ALDH3B1: variants seen among roughly 807,000 people sequenced by gnomAD.
ALDH3B1 encodes aldehyde dehydrogenase 3 family member B1.
ALDH3B1 carries 37 observed loss-of-function variants against 46.2 expected under a neutral mutation model. The observed-to-expected ratio is 0.80, with a 90% CI of 0.62 to 1.05. ALDH3B1 has a LOEUF of 1.05. ALDH3B1 is among the 50% of genes least tolerant of loss of function. ALDH3B1 has a pLI of 0.00. For missense variants in ALDH3B1, 603 were observed against 665.5 expected (o/e 0.91, Z 1.03); for synonymous variants, 283 against 281.0 (o/e 1.01, Z -0.07).
Position 68,028,190 on chromosome 11 carries a change from C to T in ALDH3B1, c.*251C>T. ...ACAGTGCAGTGACTCACCCCCTGCC[C>T]CCGCACCAACCACCCATATTCAGGA... On this transcript the variant is annotated 3_prime_UTR_variant, in exon 10 of 10. Coordinates refer to ENST00000342456, the MANE Select transcript of ALDH3B1 (RefSeq NM_000694.4). 2 of 678,522 alleles carry T rather than the reference C, an allele frequency of 2.9e-6. No homozygotes were observed. The highest frequency in any genetic ancestry group is 5.4e-6 in the Non-Finnish European group (2 of 370,292). The allele number at this position is 678,522 out of a possible 1,614,324, so 42.0% of individuals were successfully genotyped here.
chr11:68,023,559 C>G (rs1456166559), intron 8 of ALDH3B1, among the ~76,000 whole-genome samples: 4 of 151,544 alleles, frequency 2.6e-5, no homozygotes, highest in Non-Finnish European at 4.4e-5. Flanking sequence ...CCTGCCTCGG[C>G]CTCCCAAAGT....
At position 68,018,886 on chromosome 11, in the gene ALDH3B1, C is replaced by A. The variant is rs146689178; in HGVS notation, c.387C>A (p.Leu129=). Residue 129 remains leucine (L), a synonymous_variant, in exon 4 of 10, where the codon CTC becomes CTA. Transcript: ENST00000342456. ...CGCTGGTGCCCCTCGTGGGAGCCCT[C>A]GCTGCAGGTGAGAGCTGGGCCTGCC... ...NLTLVPLVGA[L]AAGNCVVLKP... The A allele has an allele frequency of 6.4e-7, 1 of 1,555,336 alleles. No individual in the cohort carries two copies. Among genetic ancestry groups the A allele is most frequent in the African/African-American group, 1.4e-5 (1 of 73,328 alleles).
chr11:68,017,342 C>G (rs925132699), intron 2 of ALDH3B1: 2 of 152,386 alleles, frequency 1.3e-5, no homozygotes, highest in Non-Finnish European at 2.9e-5. Context: ...TGGGGCTCAG[C>G]TGTAGCCCTG....
At chr11:68,018,150 GCA>G (rs35256233) in intron 2 of ALDH3B1, 14 of 209,974 alleles carry the variant, frequency 6.7e-5, no homozygotes, top group South Asian at 2.4e-4. Context: ...TGTAAAAACA[GCA>G]CACACACACA....
At chr11:68,026,147 T>G (rs941049247) in intron 9 of ALDH3B1, 39 bp downstream of exon 9, 44 of 1,520,286 alleles carry the variant, frequency 2.9e-5, no homozygotes, top group Non-Finnish European at 3.9e-5. Flanking sequence ...TACCATTTGG[T>G]CAAATTGCAA....
At chr11:68,013,901 A>G (rs552118076) in intron 1 of ALDH3B1, among the ~76,000 whole-genome samples, 143 of 152,340 alleles carry the variant, frequency 9.4e-4, no homozygotes, top group African/African-American at 3.3e-3. Context: ...TGGTGGGTTC[A>G]GCCTGGCCCC....
chr11:68,021,382 C>T (rs1386961858), intron 6 of ALDH3B1, 103 bp from the exon 7 acceptor site: 10 of 1,502,800 alleles, frequency 6.7e-6, no homozygotes, highest in Middle Eastern at 2.4e-4. Context: ...GGCTGCTGCC[C>T]GCTGACTCCA....
intron 7 of ALDH3B1, 83 bp downstream of exon 7, chr11:68,021,954 G>A: frequency 6.6e-7 from 1 of 1,515,206 alleles, no homozygotes; most frequent in East Asian, 2.3e-5. Flanking sequence ...CACAACTCTG[G>A]ACCCGCGCCT....
chr11:68,012,914 T>C (rs749423084), intron 1 of ALDH3B1, among the ~76,000 whole-genome samples: 1 of 152,114 alleles, frequency 6.6e-6, no homozygotes, highest in Non-Finnish European at 1.5e-5. Flanking sequence ...TCCATCTCCT[T>C]CAGTGGGGTG....
chr11:68,009,650 C>T (rs918746375), upstream of ALDH3B1, among the ~76,000 whole-genome samples: 5 of 152,238 alleles, frequency 3.3e-5, no homozygotes, highest in Non-Finnish European at 5.9e-5. Flanking sequence ...AGTGCTTTCT[C>T]ATACAATGTC....
chr11:68,021,409 G>T, intron 6 of ALDH3B1, 76 bp from the exon 7 acceptor site: 2 of 1,547,168 alleles, frequency 1.3e-6, no homozygotes, highest in African/African-American at 1.4e-5. Flanking sequence ...CTCCAGGGAG[G>T]AGCGGGGCCG....
At chr11:68,026,598 C>T (rs961009243) in intron 9 of ALDH3B1, among the ~76,000 whole-genome samples, 1 of 152,080 alleles carries the variant, frequency 6.6e-6, no homozygotes, top group African/African-American at 2.4e-5. Context: ...AGAGCAGCCC[C>T]GATGCCACTG....
intron 8 of ALDH3B1, 30 bp from the exon 9 acceptor site, chr11:68,025,979 C>A (rs571082269): frequency 6.7e-7 from 1 of 1,495,626 alleles, no homozygotes. Flanking sequence ...GGGCTCAAGG[C>A]AGCCTCACGC....
upstream of ALDH3B1, among the ~76,000 whole-genome samples, chr11:68,009,641 G>A (rs1047995653): frequency 1.3e-5 from 2 of 152,244 alleles, no homozygotes; most frequent in African/African-American, 4.8e-5. Context: ...AAGTTTTGCA[G>A]TGCTTTCTCA....
Position 68,028,136 on chromosome 11 carries a change from C to T in ALDH3B1, c.*197C>T. 1 of 809,578 alleles carries T rather than the reference C, an allele frequency of 1.2e-6. No individual in the cohort carries two copies. The highest frequency in any genetic ancestry group is 2.2e-6 in the Non-Finnish European group (1 of 463,118). 50.1% of individuals were successfully genotyped at this position (809,578 alleles called of 1,614,324 possible). On this transcript the variant is annotated 3_prime_UTR_variant, in exon 10 of 10. Coordinates refer to ENST00000342456, the MANE Select transcript of ALDH3B1 (RefSeq NM_000694.4). ...GCCTCCTCCCTCAGCCGCTCCCAAC[C>T]ATGAGAGCCGAGGTGGGAGGCATGG...
intron 2 of ALDH3B1, chr11:68,016,117 G>A (rs1011562181): frequency 6.3e-6 from 1 of 158,330 alleles, no homozygotes; most frequent in African/African-American, 2.4e-5. Flanking sequence ...TGAAATATGT[G>A]CCCTGGAGAC....
chr11:68,011,298 T>TGCAGACTGCTTTTTTCTAA (rs1380793358), intron 1 of ALDH3B1, among the ~76,000 whole-genome samples: 13 of 152,216 alleles, frequency 8.5e-5, no homozygotes, highest in Non-Finnish European at 1.5e-5. Context: ...ACCGGATCGC[T>TGCAGACTGCTTTTTTCTAA]GCAGACTGCT....
chr11:68,027,613 C>T, intron 9 of ALDH3B1, 136 bp from the exon 10 acceptor site: 2 of 940,460 alleles, frequency 2.1e-6, no homozygotes, highest in South Asian at 3.3e-5. Flanking sequence ...CCTTTACACA[C>T]AGTGCCTCAT....
At chr11:68,012,627 G>A (rs1357101717) in intron 1 of ALDH3B1, among the ~76,000 whole-genome samples, 2 of 152,174 alleles carry the variant, frequency 1.3e-5, no homozygotes, top group African/African-American at 4.8e-5. Context: ...CAATAGTGAG[G>A]AGGGAGGCCG....
Sources: allele counts gnomAD v4.1 joint callset (sites outside exome capture counted in the v4.1 genomes callset), GRCh38; gene constraint gnomAD v4.1.1; transcripts MANE v1.5; gene names NCBI Gene and HGNC (gene_info 2026-07-23, HGNC 2026-07-21).